The following HSPA4 variants were observed in gnomAD, a reference collection of about 807,000 sequenced individuals.
HSPA4 encodes the protein heat shock protein family A (Hsp70) member 4.
In HSPA4, 25 loss-of-function variants were observed where a neutral mutation model predicts 106.2. That is an observed-to-expected ratio of 0.24 (90% CI 0.17 to 0.33). The LOEUF (loss-of-function observed/expected upper bound fraction) is 0.33, where lower values mean the gene tolerates loss of function less well. Among genes scored for constraint, HSPA4 ranks in the 10% least tolerant of loss-of-function variants. The pLI is 1.00. For synonymous variants in HSPA4, 332 were observed against 333.6 expected (o/e 1.00, Z 0.05); for missense variants, 841 against 996.0 (o/e 0.84, Z 2.10).
intron 17 of HSPA4, among the ~76,000 whole-genome samples, chr5:133,102,168 C>G (rs1366723975): frequency 2.0e-5 from 3 of 152,160 alleles, no homozygotes; most frequent in African/African-American, 7.2e-5. Flanking sequence ...CTCAAGTGAT[C>G]CACCTGCCTT....
intron 17 of HSPA4, among the ~76,000 whole-genome samples, chr5:133,102,774 T>C (rs1438895250): frequency 2.0e-5 from 3 of 152,164 alleles, no homozygotes; most frequent in Admixed American, 2.0e-4. Context: ...TCTCACTTTG[T>C]CACCCAGGCT....
chr5:133,069,673 G>A (rs1198151328), intron 3 of HSPA4, among the ~76,000 whole-genome samples: 4 of 152,182 alleles, frequency 2.6e-5, no homozygotes, highest in African/African-American at 9.7e-5. Context: ...CCTAATTGTG[G>A]AGATGGATAA....
intron 1 of HSPA4, among the ~76,000 whole-genome samples, chr5:133,058,307 A>AGT (rs1765192989): frequency 2.0e-5 from 3 of 152,040 alleles, no homozygotes; most frequent in African/African-American, 7.2e-5. Context: ...ACTTGAGGTT[A>AGT]GTGATCAAGG....
chr5:133,100,977 AT>A (rs1295396239), intron 16 of HSPA4, among the ~76,000 whole-genome samples: 1 of 151,734 alleles, frequency 6.6e-6, no homozygotes, highest in Non-Finnish European at 1.5e-5. Context: ...GGCTGTTTTA[AT>A]TTTTTTTGTA....
At position 133,099,620 on chromosome 5, in the gene HSPA4, C is replaced by A; in HGVS notation, c.2005C>A (p.Gln669Lys). Residue 669 changes from glutamine (Q) to lysine (K), a missense_variant, in exon 16 of 19, where the codon CAA becomes AAA. This residue lies in a region of HSPA4 where 328 missense variants were observed against 372.2 expected (regional missense o/e 0.88). Transcript: ENST00000304858. ...LYEDGEDQPK[Q>K]VYVDKLAELK... ...TGAGGATGGAGAAGACCAGCCAAAG[C>A]AAGTTTATGTTGATAAGTTGGCTGA... The A allele has an allele frequency of 1.2e-6, 2 of 1,601,462 alleles. No homozygotes were observed. Among genetic ancestry groups the A allele is most frequent in the Non-Finnish European group, 1.7e-6 (2 of 1,170,060 alleles).
intron 3 of HSPA4, among the ~76,000 whole-genome samples, chr5:133,067,822 C>T (rs935103359): frequency 3.3e-5 from 5 of 151,560 alleles, no homozygotes; most frequent in African/African-American, 1.2e-4. Context: ...TTGTTTTGCT[C>T]ACTGATGCAG....
intron 7 of HSPA4, among the ~76,000 whole-genome samples, chr5:133,085,985 G>A (rs1289413213): frequency 6.6e-6 from 1 of 152,180 alleles, no homozygotes; most frequent in African/African-American, 2.4e-5. Flanking sequence ...AGGAGGGGAT[G>A]TATGGGGATT....
At chr5:133,063,073 A>G (rs1045288659) in intron 1 of HSPA4, among the ~76,000 whole-genome samples, 1 of 151,928 alleles carries the variant, frequency 6.6e-6, no homozygotes, top group Admixed American at 6.6e-5. Flanking sequence ...TTCAGGTTGC[A>G]TGACCCTGGA....
chr5:133,087,673 G>T (rs986846108), intron 8 of HSPA4, among the ~76,000 whole-genome samples: 25 of 152,030 alleles, frequency 1.6e-4, no homozygotes, highest in African/African-American at 6.0e-4. Flanking sequence ...ACCCAGGCTG[G>T]AGTGCAGTGG....
At chr5:133,081,834 C>T (rs922431387) in intron 7 of HSPA4, among the ~76,000 whole-genome samples, 4 of 152,108 alleles carry the variant, frequency 2.6e-5, no homozygotes, top group Admixed American at 6.6e-5. Context: ...CACTGCGCTC[C>T]AGCCTGGGTG....
At position 133,052,244 on chromosome 5, in the gene HSPA4, C is replaced by T. The variant is rs1167481202; in HGVS notation, c.-7C>T. 5 of 1,576,354 alleles carry T rather than the reference C, an allele frequency of 3.2e-6. No homozygotes were observed. The African/African-American group carries it at 4.0e-5, about 13-fold the overall frequency. ...CCCGGGCCCGAGCCCGAGCAGTAGCCGGCGCCATGTCGGTGGTGGGCATAG... is the reference window on the plus strand; with the variant it reads ...CCCGGGCCCGAGCCCGAGCAGTAGCTGGCGCCATGTCGGTGGTGGGCATAG... On this transcript the variant is annotated 5_prime_UTR_variant, in exon 1 of 19. Coordinates refer to ENST00000304858, the MANE Select transcript of HSPA4 (RefSeq NM_002154.4).
chr5:133,073,952 C>A, intron 5 of HSPA4, 41 bp from the exon 6 acceptor site: 1 of 1,417,364 alleles, frequency 7.1e-7, no homozygotes, highest in Non-Finnish European at 9.5e-7. Context: ...ATTTTATTTA[C>A]TTAGACGTTA....
At chr5:133,070,990 G>T (rs540386738) in intron 4 of HSPA4, among the ~76,000 whole-genome samples, 1 of 152,130 alleles carries the variant, frequency 6.6e-6, no homozygotes, top group African/African-American at 2.4e-5. Flanking sequence ...TTGTTATTCT[G>T]CCTATTTAAA....
intron 11 of HSPA4, among the ~76,000 whole-genome samples, 163 bp downstream of exon 11, chr5:133,089,858 A>G (rs1409791213): frequency 6.6e-6 from 1 of 152,152 alleles, no homozygotes; most frequent in East Asian, 1.9e-4. Flanking sequence ...CATTTAAACA[A>G]CAACAAAAAA....
At chr5:133,057,102 A>G (rs151179823) in intron 1 of HSPA4, among the ~76,000 whole-genome samples, 336 of 152,320 alleles carry the variant, frequency 2.2e-3, no homozygotes, top group African/African-American at 7.6e-3. Flanking sequence ...CTGTGTTTTT[A>G]GGAACAGCAA....
At chr5:133,089,244 A>G in intron 10 of HSPA4, 83 bp downstream of exon 10, 1 of 783,380 alleles carries the variant, frequency 1.3e-6, no homozygotes, top group Admixed American at 2.6e-5. Context: ...ATTTCAGTTT[A>G]CATAAATCTG....
Position 133,092,603 on chromosome 5 carries a change from A to G in HSPA4, c.1561-97A>G, listed in dbSNP as rs1456902022. ...AGCATAGGCCTTCTGATTGCTGGTA[A>G]TTCAGCAGGAATTACATAACTATGT... On this transcript the variant is annotated intron_variant, in intron 12 of 18. Coordinates refer to ENST00000304858, the MANE Select transcript of HSPA4 (RefSeq NM_002154.4). 3 of 827,196 alleles carry G rather than the reference A, an allele frequency of 3.6e-6. No individual in the cohort carries two copies. In the African/African-American group the frequency reaches 5.1e-5, roughly 14 times the overall value. The allele number at this position is 827,196 out of a possible 1,614,324, so 51.2% of individuals were successfully genotyped here.
At chr5:133,085,267 A>C (rs1237507667) in intron 7 of HSPA4, among the ~76,000 whole-genome samples, 1 of 152,086 alleles carries the variant, frequency 6.6e-6, no homozygotes, top group African/African-American at 2.4e-5. Flanking sequence ...GACATTGAGG[A>C]ACCTTAAATG....
chr5:133,073,396 T>A (rs1581470421), intron 5 of HSPA4, 67 bp downstream of exon 5: 2 of 1,067,632 alleles, frequency 1.9e-6, no homozygotes, highest in East Asian at 4.8e-5. Flanking sequence ...TTTAAAACCC[T>A]GGGGTTTCTT....
Sources: allele counts gnomAD v4.1 joint callset (sites outside exome capture counted in the v4.1 genomes callset), GRCh38; gene constraint gnomAD v4.1.1; regional missense constraint gnomAD v4.1.1; transcripts MANE v1.5; gene names NCBI Gene and HGNC (gene_info 2026-07-23, HGNC 2026-07-21).